The following PFDN1 variants were observed in gnomAD, a reference collection of about 807,000 sequenced individuals.
PFDN1 encodes the protein prefoldin 1.
A neutral mutation model predicts 17.3 loss-of-function variants in PFDN1; 6 were observed. The ratio of observed to expected loss-of-function variants is 0.35; its 90% CI spans 0.19 to 0.69. The LOEUF is 0.69. Ranked by LOEUF, PFDN1 falls within the 30% of genes least tolerant of loss-of-function variation. The probability of loss-of-function intolerance (pLI) is 0.65; values close to 1 mark genes in which losing one functional copy is unlikely to be tolerated. For synonymous variants in PFDN1, 58 were observed against 50.1 expected, an observed-to-expected ratio of 1.16 and a Z score of -0.67; for missense variants, 113 against 146.2, an observed-to-expected ratio of 0.77 and a Z score of 1.17.
intron 3 of PFDN1, among the ~76,000 whole-genome samples, chr5:140,258,912 C>T (rs575744934): frequency 2.0e-5 from 3 of 152,240 alleles, no homozygotes; most frequent in East Asian, 3.9e-4. Flanking sequence ...TTTGCATAGA[C>T]GTGGTACTTG....
chr5:140,271,861 A>G (rs899108230), intron 3 of PFDN1, among the ~76,000 whole-genome samples: 10 of 151,764 alleles, frequency 6.6e-5, no homozygotes, highest in African/African-American at 2.2e-4. Context: ...AGGCAAAAAA[A>G]TAGTGATTTT....
rs141036137 is a variant in PFDN1, at chr5:140,290,704, T to C, written c.201-9171A>G. On this transcript the variant is annotated intron_variant, in intron 2 of 3. Transcript: ENST00000261813. ...GAAAGAAGCAAGAAAGAAATTATTT[T>C]AGAGTGATGAAAATGTTCTTTATCG... 9.3e-3 allele frequency among the ~76,000 whole-genome samples: 1,413 copies of C among 152,304 alleles called. 15 individuals carry two copies. Among genetic ancestry groups the C allele is most frequent in the South Asian group, 0.018 (86 of 4,830 alleles).
intron 3 of PFDN1, among the ~76,000 whole-genome samples, chr5:140,277,523 C>A (rs1765314785): frequency 1.3e-5 from 2 of 149,914 alleles, no homozygotes; most frequent in Non-Finnish European, 1.5e-5. Context: ...AAAAAAAAAA[C>A]ACTAATCCTC....
intron 3 of PFDN1, among the ~76,000 whole-genome samples, chr5:140,258,345 CA>C (rs1248080278): frequency 2.0e-5 from 3 of 151,126 alleles, no homozygotes; most frequent in African/African-American, 7.3e-5. Context: ...CCAGGGCAGC[CA>C]AAACCCCCCT....
chr5:140,295,023 T>C (rs76644763), intron 2 of PFDN1, among the ~76,000 whole-genome samples: 2,083 of 152,086 alleles, frequency 0.014, 43 homozygotes, highest in African/African-American at 0.045. Context: ...AAGGCACTAA[T>C]TGTTCTTTTT....
At chr5:140,291,058 C>T (rs1368617226) in intron 2 of PFDN1, among the ~76,000 whole-genome samples, 1 of 152,196 alleles carries the variant, frequency 6.6e-6, no homozygotes, top group Non-Finnish European at 1.5e-5. Flanking sequence ...GCCATGGAGA[C>T]ACCTGGAAGA....
At chr5:140,294,217 A>G (rs1228864516) in intron 2 of PFDN1, among the ~76,000 whole-genome samples, 1 of 152,100 alleles carries the variant, frequency 6.6e-6, no homozygotes, top group Non-Finnish European at 1.5e-5. Context: ...TATGCACTAA[A>G]TAAAATATCC....
intron 2 of PFDN1, among the ~76,000 whole-genome samples, chr5:140,299,356 G>A (rs1765703945): frequency 2.0e-5 from 3 of 152,296 alleles, no homozygotes; most frequent in Admixed American, 2.0e-4. Flanking sequence ...TGTAATCCCA[G>A]CACTGTGGGA....
At chr5:140,257,125 A>G (rs1478039804) in intron 3 of PFDN1, among the ~76,000 whole-genome samples, 1 of 151,666 alleles carries the variant, frequency 6.6e-6, no homozygotes, top group Non-Finnish European at 1.5e-5. Context: ...CAGGAGGCTG[A>G]GGCAGGAGAA....
At chr5:140,253,419 G>A (rs1417113727) in intron 3 of PFDN1, among the ~76,000 whole-genome samples, 1 of 152,106 alleles carries the variant, frequency 6.6e-6, no homozygotes, top group African/African-American at 2.4e-5. Context: ...AGATATACAC[G>A]AGGGGAAAAA....
chr5:140,289,940 T>C (rs1765555181), intron 2 of PFDN1, among the ~76,000 whole-genome samples: 1 of 152,170 alleles, frequency 6.6e-6, no homozygotes, highest in Non-Finnish European at 1.5e-5. Context: ...TATGCTCTTA[T>C]TACTAACCTC....
At chr5:140,258,475 G>C (rs973888540) in intron 3 of PFDN1, among the ~76,000 whole-genome samples, 2 of 151,430 alleles carry the variant, frequency 1.3e-5, no homozygotes, top group African/African-American at 4.9e-5. Flanking sequence ...GGGAAGCACT[G>C]GATTAGAGAA....
intron 3 of PFDN1, among the ~76,000 whole-genome samples, chr5:140,246,580 G>A (rs1402243661): frequency 6.6e-6 from 1 of 152,184 alleles, no homozygotes; most frequent in African/African-American, 2.4e-5. Flanking sequence ...GAGTCAGAAG[G>A]CAATCTGCTT....
intron 2 of PFDN1, among the ~76,000 whole-genome samples, chr5:140,293,366 A>G (rs1214413436): frequency 6.6e-6 from 1 of 151,968 alleles, no homozygotes; most frequent in Non-Finnish European, 1.5e-5. Flanking sequence ...AGAAGCAAGC[A>G]AAGTCCACCA....
In PFDN1 at chr5:140,263,529, G is replaced by C. The variant is rs367942870; in HGVS notation, c.286-17472C>G. ...ATTGTCTCCCTTCATCCTAACACTT[G>C]CTTTTGCCATTTTACGGACGAGTGT... On this transcript the variant is annotated intron_variant, in intron 3 of 3. Transcript: ENST00000261813. 2.4e-3 allele frequency among the ~76,000 whole-genome samples: 364 copies of C among 152,188 alleles called. 8 individuals are homozygous for C. The highest frequency in any genetic ancestry group is 3.4e-3 in the Middle Eastern group (1 of 294).
intron 3 of PFDN1, among the ~76,000 whole-genome samples, chr5:140,266,538 G>A (rs1765136222): frequency 6.6e-6 from 1 of 152,104 alleles, no homozygotes; most frequent in Non-Finnish European, 1.5e-5. Context: ...TTTTACCTGT[G>A]GTATTAAAGT....
intron 3 of PFDN1, among the ~76,000 whole-genome samples, chr5:140,272,266 C>G (rs980867565): frequency 6.6e-6 from 1 of 151,902 alleles, no homozygotes; most frequent in African/African-American, 2.4e-5. Flanking sequence ...GTGATCTGCC[C>G]GCCTCAGCCT....
chr5:140,286,238 CCA>C (rs1460127497), intron 2 of PFDN1, among the ~76,000 whole-genome samples: 2 of 151,070 alleles, frequency 1.3e-5, no homozygotes, highest in Non-Finnish European at 3.0e-5. Context: ...TGGTGAAACC[CCA>C]TCTCTACTAA....
intron 2 of PFDN1, among the ~76,000 whole-genome samples, chr5:140,292,699 A>T (rs559222073): frequency 1.4e-4 from 22 of 152,254 alleles, no homozygotes; most frequent in African/African-American, 4.8e-4. Context: ...GTCCATTTGA[A>T]CTTAAATTAT....
Sources: allele counts gnomAD v4.1 joint callset (sites outside exome capture counted in the v4.1 genomes callset), GRCh38; gene constraint gnomAD v4.1.1; transcripts MANE v1.5; gene names NCBI Gene and HGNC (gene_info 2026-07-23, HGNC 2026-07-21).